CDKAL1: variants seen among roughly 807,000 people sequenced by gnomAD.
CDKAL1 encodes CDKAL1 threonylcarbamoyladenosine tRNA methylthiotransferase, also known as threonylcarbamoyladenosine tRNA methylthiotransferase.
CDKAL1 carries 32 observed loss-of-function variants against 68.2 expected under a neutral mutation model. That is an observed-to-expected ratio of 0.47 (90% CI 0.35 to 0.63). The LOEUF (loss-of-function observed/expected upper bound fraction) is 0.63, where lower values mean the gene tolerates loss of function less well. CDKAL1 is among the 30% of genes least tolerant of loss of function. The pLI is 0.00. For missense variants in CDKAL1, 606 were observed against 696.7 expected, an observed-to-expected ratio of 0.87 and a Z score of 1.47; for synonymous variants, 234 against 244.3, an observed-to-expected ratio of 0.96 and a Z score of 0.39.
chr6:20,792,716 TA>T (rs1775948840), intron 8 of CDKAL1, among the ~76,000 whole-genome samples: 1 of 152,226 alleles, frequency 6.6e-6, no homozygotes, highest in Non-Finnish European at 1.5e-5. Context: ...TGGTTTGTTT[TA>T]TTCTCTACTC....
At chr6:21,107,808 A>G (rs773064938) in intron 12 of CDKAL1, among the ~76,000 whole-genome samples, 6 of 152,242 alleles carry the variant, frequency 3.9e-5, no homozygotes, top group Non-Finnish European at 4.4e-5. Context: ...ATATGCCTGT[A>G]TAACTCATAC....
At chr6:20,711,724 A>G (rs974433026) in intron 5 of CDKAL1, among the ~76,000 whole-genome samples, 1 of 152,216 alleles carries the variant, frequency 6.6e-6, no homozygotes, top group Non-Finnish European at 1.5e-5. Context: ...ACACAGGAGT[A>G]TTTAAACTTT....
At chr6:20,796,679 G>C (rs1367781040) in intron 8 of CDKAL1, among the ~76,000 whole-genome samples, 1 of 152,200 alleles carries the variant, frequency 6.6e-6, no homozygotes, top group Non-Finnish European at 1.5e-5. Flanking sequence ...AGGAAGGTCA[G>C]ACCCATGCAA....
At chr6:20,879,971 T>C (rs1417664305) in intron 9 of CDKAL1, among the ~76,000 whole-genome samples, 1 of 152,224 alleles carries the variant, frequency 6.6e-6, no homozygotes, top group Admixed American at 6.5e-5. Context: ...GAAGACTGTG[T>C]TTTATTTATC....
At chr6:20,648,057 A>G (rs1183483691) in intron 4 of CDKAL1, among the ~76,000 whole-genome samples, 1 of 149,044 alleles carries the variant, frequency 6.7e-6, no homozygotes, top group Non-Finnish European at 1.5e-5. Context: ...CCTGGGTGAC[A>G]GAGCGAGACT....
At chr6:20,990,114 G>A (rs1251116143) in intron 10 of CDKAL1, among the ~76,000 whole-genome samples, 3 of 152,030 alleles carry the variant, frequency 2.0e-5, no homozygotes, top group Admixed American at 6.6e-5. Context: ...GTGGTGGCAC[G>A]TGCCTGTAGT....
chr6:21,014,612 TAAA>T (rs34834774), intron 11 of CDKAL1, among the ~76,000 whole-genome samples: 2 of 126,698 alleles, frequency 1.6e-5, no homozygotes, highest in African/African-American at 3.0e-5. Flanking sequence ...CTCCGTCTCA[TAAA>T]AAAAAAAAAA....
In CDKAL1 at chr6:21,049,764, G is replaced by A. The variant is rs115113064; in HGVS notation, c.1056-15284G>A. Among the ~76,000 whole-genome samples the A allele has an allele frequency of 9.7e-3, 1,466 of 151,178 alleles. 25 individuals are homozygous for A. The highest frequency in any genetic ancestry group is 0.034 in the African/African-American group (1,397 of 41,204). On this transcript the variant is annotated intron_variant, in intron 11 of 15. Transcript: ENST00000274695. ...CTGGATTTATACCAGGCTTAGAAAT[G>A]TAATGGATGACACTAAATTCTTTGG...
At chr6:20,851,103 A>C (rs909919999) in intron 9 of CDKAL1, among the ~76,000 whole-genome samples, 1 of 151,852 alleles carries the variant, frequency 6.6e-6, no homozygotes, top group Admixed American at 6.6e-5. Context: ...AGACTGCTGC[A>C]TGTGAGTTTA....
chr6:20,595,816 C>T (rs1390040373), intron 4 of CDKAL1, among the ~76,000 whole-genome samples: 1 of 152,088 alleles, frequency 6.6e-6, no homozygotes, highest in Non-Finnish European at 1.5e-5. Flanking sequence ...ATTCATCTAC[C>T]TTTGGTCTTT....
intron 5 of CDKAL1, among the ~76,000 whole-genome samples, chr6:20,726,785 G>A (rs547794804): frequency 8.5e-5 from 13 of 152,288 alleles, no homozygotes; most frequent in Non-Finnish European, 1.5e-4. Flanking sequence ...TGGGGGAAAA[G>A]CTACATATTT....
intron 13 of CDKAL1, among the ~76,000 whole-genome samples, chr6:21,157,903 A>G (rs1309307310): frequency 6.6e-6 from 1 of 152,238 alleles, no homozygotes; most frequent in Non-Finnish European, 1.5e-5. Flanking sequence ...TTTATTTGGA[A>G]AAGAAATGTT....
At chr6:21,093,316 C>G (rs1290733964) in intron 12 of CDKAL1, among the ~76,000 whole-genome samples, 2 of 152,166 alleles carry the variant, frequency 1.3e-5, no homozygotes, top group Admixed American at 6.5e-5. Context: ...TTGTACCCAC[C>G]AAAGTATTCA....
chr6:21,060,181 G>A (rs1214451597), intron 11 of CDKAL1, among the ~76,000 whole-genome samples: 2 of 152,140 alleles, frequency 1.3e-5, no homozygotes, highest in Non-Finnish European at 2.9e-5. Context: ...TTTGTTTTGT[G>A]TTGTTTTGTT....
intron 4 of CDKAL1, among the ~76,000 whole-genome samples, chr6:20,647,525 A>G (rs1342548106): frequency 6.6e-6 from 1 of 152,218 alleles, no homozygotes; most frequent in Non-Finnish European, 1.5e-5. Flanking sequence ...ATAAAAATGT[A>G]TTCAGTATCT....
At chr6:21,199,197 G>C (rs1436314614) in intron 14 of CDKAL1, among the ~76,000 whole-genome samples, 1 of 152,214 alleles carries the variant, frequency 6.6e-6, no homozygotes, top group East Asian at 1.9e-4. Context: ...GAGGAAGCAG[G>C]CTGCCTGTGT....
At chr6:21,110,991 A>G (rs988249617) in intron 13 of CDKAL1, among the ~76,000 whole-genome samples, 2 of 152,134 alleles carry the variant, frequency 1.3e-5, no homozygotes, top group Non-Finnish European at 2.9e-5. Context: ...TTTTTTTAAA[A>G]TAATTTCAAA....
At chr6:21,189,573 C>T (rs999166735) in intron 13 of CDKAL1, among the ~76,000 whole-genome samples, 1 of 152,154 alleles carries the variant, frequency 6.6e-6, no homozygotes, top group African/African-American at 2.4e-5. Context: ...TGTCCAACAT[C>T]TTCTCTTAAG....
At chr6:21,225,298 G>A (rs550626673) in intron 15 of CDKAL1, among the ~76,000 whole-genome samples, 26 of 152,114 alleles carry the variant, frequency 1.7e-4, no homozygotes, top group Admixed American at 1.2e-3. Flanking sequence ...GTTTTAGTTC[G>A]GAGCTTTCCA....
Sources: gnomAD v4.1 joint callset for allele counts (sites outside exome capture counted in the v4.1 genomes callset) on GRCh38, gnomAD v4.1.1 for gene constraint, MANE v1.5 for transcripts, NCBI Gene and HGNC (gene_info 2026-07-23, HGNC 2026-07-21) for gene names.